Variants in NKTR observed in about 807,000 individuals in gnomAD.
NKTR encodes the protein natural killer cell triggering receptor, also known as NK-tumor recognition protein.
Under a neutral mutation model 156.3 loss-of-function variants are expected in NKTR, and 67 were observed. That is an observed-to-expected ratio of 0.43 (90% CI 0.35 to 0.53). NKTR has a LOEUF of 0.53. Ranked by LOEUF, NKTR falls within the 20% of genes least tolerant of loss-of-function variation. NKTR has a pLI of 0.01. For missense variants in NKTR, 1,604 were observed against 1,730.9 expected (o/e 0.93, Z 1.30); for synonymous variants, 640 against 596.6 (o/e 1.07, Z -1.06).
chr3:42,637,746 A>G lies in NKTR; in HGVS notation c.2042A>G (p.Tyr681Cys), dbSNP rs1709551843. Reference sequence around the variant, plus strand: ...AGTGATCAGAGCACTTATTCAAAATACAGTGATAGAAGTTCAGAAAGCTCA... The same window carrying G: ...AGTGATCAGAGCACTTATTCAAAATGCAGTGATAGAAGTTCAGAAAGCTCA... ...SESDQSTYSKYSDRSSESSPR... is the reference protein window; with the variant it reads ...SESDQSTYSKCSDRSSESSPR... The change falls in exon 13 of 17, where the codon TAC (tyrosine) becomes TGC (cysteine). Residue 681 changes from tyrosine (Y) to cysteine (C), a missense_variant. Tyr to Cys is a radical substitution (Grantham distance 194). This residue lies in a region of NKTR where 1,255 missense variants were observed against 1,243.7 expected (regional missense o/e 1.01). Transcript: ENST00000232978. 6.2e-7 allele frequency: 1 copy of G among 1,613,760 alleles called. No homozygotes were observed. Among genetic ancestry groups the G allele is most frequent in the African/African-American group, 1.3e-5 (1 of 74,878 alleles).
At chr3:42,623,608 A>C (rs764025001) in intron 6 of NKTR, among the ~76,000 whole-genome samples, 14 of 152,132 alleles carry the variant, frequency 9.2e-5, no homozygotes, top group Non-Finnish European at 1.9e-4. Flanking sequence ...AAAATCTTTG[A>C]AACTATGTTT....
chr3:42,603,924 G>A (rs1170855672), intron 2 of NKTR, among the ~76,000 whole-genome samples: 1 of 152,032 alleles, frequency 6.6e-6, no homozygotes, highest in Non-Finnish European at 1.5e-5. Flanking sequence ...TTTTATTAGA[G>A]ACAGGGTTTC....
At position 42,615,865 on chromosome 3, in the gene NKTR, G is replaced by GT. The variant is rs111493011; in HGVS notation, c.59-1696dup. On this transcript the variant is annotated intron_variant, in intron 2 of 16. Coordinates refer to ENST00000232978, the MANE Select transcript of NKTR (RefSeq NM_005385.4). ...TAGTTACTATTACTGATATTATAGGGTTTTTTTTTAATTCTGAAATGACTT... is the reference window on the plus strand; with the variant it reads ...TAGTTACTATTACTGATATTATAGGGTTTTTTTTTTAATTCTGAAATGACTT... 6.6e-3 allele frequency among the ~76,000 whole-genome samples: 1,003 copies of GT among 151,882 alleles called. 12 individuals are homozygous for GT. The highest frequency in any genetic ancestry group is 0.022 in the African/African-American group (922 of 41,454).
At chr3:42,620,626 G>GA in intron 5 of NKTR, 2 of 982,628 alleles carry the variant, frequency 2.0e-6, no homozygotes, top group Non-Finnish European at 2.4e-6. Flanking sequence ...TTGTTTGTAT[G>GA]AATGTTAAAA....
At position 42,638,740 on chromosome 3, in the gene NKTR, A is replaced by C. The variant is rs542626642; in HGVS notation, c.3036A>C (p.Gln1012His). Residue 1012 changes from glutamine to histidine, a missense_variant, in exon 13 of 17, where the codon CAA (glutamine) becomes CAC (histidine). Transcript: ENST00000232978. ...DKKHKAPKRK[Q>H]AFHWQPPLEF... ...AGCATAAGGCTCCAAAACGAAAGCA[A>C]GCATTTCACTGGCAGCCTCCACTAG... The C allele has an allele frequency of 1.9e-6, 3 of 1,614,042 alleles. No homozygotes were observed. Among genetic ancestry groups the C allele is most frequent in the Non-Finnish European group, 2.5e-6 (3 of 1,180,064 alleles).
intron 2 of NKTR, among the ~76,000 whole-genome samples, chr3:42,613,674 C>T (rs912005444): frequency 1.3e-5 from 2 of 152,162 alleles, no homozygotes; most frequent in African/African-American, 4.8e-5. Flanking sequence ...CATCTGTGTA[C>T]TTGGTGATTT....
chr3:42,617,873 C>T (rs764482397), intron 3 of NKTR, among the ~76,000 whole-genome samples: 20 of 151,848 alleles, frequency 1.3e-4, no homozygotes, highest in Non-Finnish European at 1.0e-4. Flanking sequence ...TAAGAATCTA[C>T]GTTATATAAT....
chr3:42,629,756 G>A (rs979652089), intron 6 of NKTR: 5 of 985,140 alleles, frequency 5.1e-6, no homozygotes, highest in Non-Finnish European at 6.0e-6. Context: ...AAATGCTATG[G>A]GAAAACTAGC....
chr3:42,638,973 G>A lies in NKTR; in HGVS notation c.3269G>A (p.Ser1090Asn). ...DQFTKDDSKLSISPTALNTEE... is the reference protein window; with the variant it reads ...DQFTKDDSKLNISPTALNTEE... ...TTTACTAAAGATGATAGTAAACTCA[G>A]TATTTCTCCCACAGCTTTAAATACT... Residue 1090 changes from serine (S) to asparagine (N), a missense_variant, in exon 13 of 17, where the codon AGT (serine) becomes AAT (asparagine). Coordinates refer to ENST00000232978, the MANE Select transcript of NKTR (RefSeq NM_005385.4). 1.9e-6 allele frequency: 3 copies of A among 1,613,650 alleles called. No individual in the cohort carries two copies. Among genetic ancestry groups the A allele is most frequent in the Non-Finnish European group, 2.5e-6 (3 of 1,179,826 alleles).
At chr3:42,632,984 A>G (rs753810176) in intron 9 of NKTR, 161 bp downstream of exon 9, 20 of 1,303,842 alleles carry the variant, frequency 1.5e-5, no homozygotes, top group Non-Finnish European at 1.9e-5. Context: ...AGTAGGTAGC[A>G]TAGGCATTTC....
intron 8 of NKTR, 101 bp downstream of exon 8, chr3:42,631,417 C>T: frequency 7.8e-7 from 1 of 1,276,956 alleles, no homozygotes. Flanking sequence ...ATAGCAATAG[C>T]CCTTGGTGCC....
chr3:42,616,419 A>C (rs993108477), intron 2 of NKTR, among the ~76,000 whole-genome samples: 1 of 152,190 alleles, frequency 6.6e-6, no homozygotes, highest in African/African-American at 2.4e-5. Context: ...TTGTGCTCTC[A>C]TTCTCTTGTG....
intron 8 of NKTR, 57 bp from the exon 9 acceptor site, chr3:42,632,544 C>T: frequency 9.8e-7 from 1 of 1,019,846 alleles, no homozygotes; most frequent in South Asian, 1.6e-5. Flanking sequence ...ACATTTTTTA[C>T]TCTGAAAGGT....
At chr3:42,632,400 A>G (rs146579065) in intron 8 of NKTR, among the ~76,000 whole-genome samples, 1 of 152,254 alleles carries the variant, frequency 6.6e-6, no homozygotes, top group African/African-American at 2.4e-5. Context: ...CAACAAGAAT[A>G]TAGGCTTCAT....
At chr3:42,604,986 G>A (rs528988714) in intron 2 of NKTR, among the ~76,000 whole-genome samples, 27 of 151,902 alleles carry the variant, frequency 1.8e-4, no homozygotes, top group Non-Finnish European at 7.4e-5. Context: ...CATCATGCCC[G>A]GCCGTATTTC....
At chr3:42,610,359 A>T (rs1475835506) in intron 2 of NKTR, among the ~76,000 whole-genome samples, 1 of 152,082 alleles carries the variant, frequency 6.6e-6, no homozygotes, top group Non-Finnish European at 1.5e-5. Flanking sequence ...GCTAACAACT[A>T]CTTTTGACTT....
chr3:42,614,265 T>C (rs1326140349), intron 2 of NKTR, among the ~76,000 whole-genome samples: 2 of 152,188 alleles, frequency 1.3e-5, no homozygotes, highest in Non-Finnish European at 2.9e-5. Flanking sequence ...GTCACACTTA[T>C]TTTTCTCATC....
At chr3:42,635,542 G>A in intron 12 of NKTR, 176 bp downstream of exon 12, 1 of 460,484 alleles carries the variant, frequency 2.2e-6, no homozygotes, top group Non-Finnish European at 3.8e-6. Context: ...AACTAGTTGG[G>A]CTTTTAAATC....
intron 3 of NKTR, among the ~76,000 whole-genome samples, chr3:42,618,647 CCT>C (rs1707625485): frequency 1.3e-5 from 2 of 151,958 alleles, no homozygotes; most frequent in African/African-American, 4.8e-5. Flanking sequence ...AGAATTTCAC[CCT>C]GTTGGCCAAG....
Sources: allele counts gnomAD v4.1 joint callset (sites outside exome capture counted in the v4.1 genomes callset), GRCh38; gene constraint gnomAD v4.1.1; regional missense constraint gnomAD v4.1.1; transcripts MANE v1.5; gene names NCBI Gene and HGNC (gene_info 2026-07-23, HGNC 2026-07-21).